Variants in NRXN1 observed in about 807,000 individuals in gnomAD.
NRXN1 encodes neurexin 1.
A neutral mutation model predicts 150.9 loss-of-function variants in NRXN1; 39 were observed. That is an observed-to-expected ratio of 0.26 (90% confidence interval 0.20 to 0.34). The LOEUF is 0.34. NRXN1 is among the 10% of genes least tolerant of loss of function. The pLI is 1.00. For missense variants in NRXN1, 1,815 were observed against 1,949.9 expected (o/e 0.93, Z 1.30); for synonymous variants, 924 against 757.0 (o/e 1.22, Z -3.62).
chr2:50,877,530 T>C (rs1048402957), intron 5 of NRXN1, among the ~76,000 whole-genome samples: 1 of 151,950 alleles, frequency 6.6e-6, no homozygotes, highest in Non-Finnish European at 1.5e-5. Context: ...TTTCTTTGAG[T>C]TCTTTATGCT....
chr2:50,432,102 T>C (rs188393412), intron 17 of NRXN1, among the ~76,000 whole-genome samples: 1 of 152,140 alleles, frequency 6.6e-6, no homozygotes, highest in South Asian at 2.1e-4. Context: ...GACTTCCTAG[T>C]TCATTTCAGG....
chr2:50,559,484 T>C (rs978820852), intron 8 of NRXN1, among the ~76,000 whole-genome samples: 2 of 152,216 alleles, frequency 1.3e-5, no homozygotes, highest in African/African-American at 4.8e-5. Context: ...CCTGTGCATA[T>C]GCCTAGTTCC....
intron 12 of NRXN1, among the ~76,000 whole-genome samples, chr2:50,515,840 G>C (rs531743407): frequency 6.6e-6 from 1 of 152,070 alleles, no homozygotes; most frequent in Non-Finnish European, 1.5e-5. Flanking sequence ...ACCACTGCTT[G>C]ATGCCTGAGT....
intron 5 of NRXN1, among the ~76,000 whole-genome samples, chr2:50,876,052 G>A (rs570957934): frequency 1.3e-4 from 19 of 151,862 alleles, no homozygotes; most frequent in Non-Finnish European, 2.4e-4. Context: ...CTGGGTGCAG[G>A]AGTGGAACAC....
chr2:50,787,497 G>A (rs1360042450), intron 5 of NRXN1, among the ~76,000 whole-genome samples: 2 of 149,750 alleles, frequency 1.3e-5, no homozygotes, highest in African/African-American at 2.5e-5. Flanking sequence ...AGGAGGTAGA[G>A]GTTGCAGTGA....
chr2:51,017,617 C>A (rs1472401442), intron 2 of NRXN1, among the ~76,000 whole-genome samples: 1 of 143,632 alleles, frequency 7.0e-6, no homozygotes, highest in Non-Finnish European at 1.5e-5. Flanking sequence ...ACTCCCAAAG[C>A]ACTGGGATTA....
chr2:50,235,137 G>A (rs1019662462), intron 18 of NRXN1, among the ~76,000 whole-genome samples: 19 of 151,966 alleles, frequency 1.3e-4, no homozygotes, highest in Non-Finnish European at 1.2e-4. Flanking sequence ...GAAGGAAAAG[G>A]CCCTTGTTTT....
At chr2:50,730,773 C>T (rs958374864) in intron 5 of NRXN1, among the ~76,000 whole-genome samples, 2 of 148,418 alleles carry the variant, frequency 1.3e-5, no homozygotes, top group African/African-American at 4.9e-5. Context: ...CCCGGGTTCA[C>T]GCCATTCTCC....
At chr2:50,266,765 G>A (rs752819044) in intron 17 of NRXN1, among the ~76,000 whole-genome samples, 3 of 152,010 alleles carry the variant, frequency 2.0e-5, no homozygotes, top group Non-Finnish European at 4.4e-5. Flanking sequence ...TGGCATTAAT[G>A]ACTCCGCTGT....
intron 2 of NRXN1, among the ~76,000 whole-genome samples, chr2:50,983,977 A>AT (rs1268144607): frequency 4.7e-5 from 7 of 150,490 alleles, no homozygotes; most frequent in South Asian, 4.2e-4. Context: ...TAATTAATCT[A>AT]TTTTTTTTGA....
chr2:50,889,203 C>T (rs961982599), intron 5 of NRXN1, among the ~76,000 whole-genome samples: 1 of 151,608 alleles, frequency 6.6e-6, no homozygotes, highest in African/African-American at 2.4e-5. Flanking sequence ...TTTAAAATCC[C>T]ACCAATACTT....
At chr2:49,997,496 A>G (rs191427563) in intron 21 of NRXN1, among the ~76,000 whole-genome samples, 61 of 152,280 alleles carry the variant, frequency 4.0e-4, no homozygotes, top group Non-Finnish European at 7.5e-4. Flanking sequence ...AAAGAAAAGT[A>G]TGTCATCTAC....
At chr2:50,031,723 G>T (rs1330226863) in intron 21 of NRXN1, among the ~76,000 whole-genome samples, 1 of 152,044 alleles carries the variant, frequency 6.6e-6, no homozygotes, top group African/African-American at 2.4e-5. Flanking sequence ...ACCAAGTGCT[G>T]TTAAGTGCTA....
intron 18 of NRXN1, among the ~76,000 whole-genome samples, chr2:50,154,703 GA>G (rs2058908528): frequency 6.6e-6 from 1 of 151,520 alleles, no homozygotes; most frequent in African/African-American, 2.4e-5. Context: ...TAATAAAGCA[GA>G]ACAAAAAGGT....
intron 18 of NRXN1, among the ~76,000 whole-genome samples, chr2:50,098,831 T>G (rs1700589878): frequency 3.4e-4 from 1 of 2,950 alleles, no homozygotes; most frequent in African/African-American, 2.1e-3. Context: ...TTGGTTTTAG[T>G]TTTTTTTTTT....
chr2:50,047,995 A>AT (rs1249374713), intron 21 of NRXN1, among the ~76,000 whole-genome samples: 3 of 152,136 alleles, frequency 2.0e-5, no homozygotes, highest in Admixed American at 2.0e-4. Context: ...CCAATAGAGC[A>AT]TTTTGTCATC....
chr2:50,207,608 C>G (rs1376004596), intron 18 of NRXN1: 1 of 167,192 alleles, frequency 6.0e-6, no homozygotes, highest in Non-Finnish European at 1.5e-5. Context: ...TGTGACGGAA[C>G]TTGACTTTGA....
At chr2:50,854,143 G>A (rs548580741) in intron 5 of NRXN1, among the ~76,000 whole-genome samples, 2 of 152,060 alleles carry the variant, frequency 1.3e-5, no homozygotes, top group African/African-American at 4.8e-5. Context: ...AGCAATAGAT[G>A]TTTCTCTTTA....
chr2:50,924,403 G>A (rs986307371), intron 3 of NRXN1, among the ~76,000 whole-genome samples: 1 of 151,698 alleles, frequency 6.6e-6, no homozygotes, highest in African/African-American at 2.4e-5. Context: ...ATGAGTGTGT[G>A]TGAAAAGAGA....
Sources: gnomAD v4.1 joint callset for allele counts (sites outside exome capture counted in the v4.1 genomes callset) on GRCh38, gnomAD v4.1.1 for gene constraint, MANE v1.5 for transcripts, NCBI Gene and HGNC (gene_info 2026-07-23, HGNC 2026-07-21) for gene names.